Variants in CELF3 observed in about 807,000 individuals in gnomAD.
CELF3 encodes CUGBP Elav-like family member 3.
CELF3 carries 26 observed loss-of-function variants against 59.6 expected under a neutral mutation model. That is an observed-to-expected ratio of 0.44 (90% CI 0.32 to 0.61). The LOEUF is 0.61. Among genes scored for constraint, CELF3 ranks in the 20% least tolerant of loss-of-function variants. The pLI, the probability that CELF3 is intolerant of heterozygous loss-of-function variation, is 0.06. For synonymous variants in CELF3, 245 were observed against 250.7 expected (o/e 0.98, Z 0.22); for missense variants, 387 against 627.2 (o/e 0.62, Z 4.09).
intron 12 of CELF3, among the ~76,000 whole-genome samples, 191 bp downstream of exon 12, chr1:151,704,840 A>AGAGT (rs1233959716): frequency 6.6e-6 from 1 of 152,040 alleles, no homozygotes; most frequent in African/African-American, 2.4e-5. Context: ...AGAGAGAGAG[A>AGAGT]GAGTGACTCA....
chr1:151,705,120 G>A lies in CELF3; in HGVS notation c.1319C>T (p.Ala440Val). The A allele has an allele frequency of 6.2e-7, 1 of 1,613,998 alleles. No individual in the cohort carries two copies. The highest frequency in any genetic ancestry group is 8.5e-7 in the Non-Finnish European group (1 of 1,179,862). ...CATGCCGATCTGGAAGCCATTCATG[G>A]CCTGGATGGCAGCCTGGGCACTGGC... ...NPASAQAAIQ[A>V]MNGFQIGMKR... The change falls in exon 12 of 13, where the codon GCC (alanine) becomes GTC (valine). Residue 440 changes from alanine to valine, a missense_variant. By Grantham distance (64) the Ala-to-Val change is moderately conservative. This residue lies in a region of CELF3 where 48 missense variants were observed against 118.8 expected (regional missense o/e 0.40). Coordinates refer to ENST00000290583, the MANE Select transcript of CELF3 (RefSeq NM_007185.7). This position sits in a 1 kb window ranked among gnomAD's most constrained non-coding sequence, Gnocchi z 5.1.
Position 151,701,474 on chromosome 1 carries a change from C to T in CELF3, c.*1985G>A, listed in dbSNP as rs953015580. 6.6e-6 allele frequency among the ~76,000 whole-genome samples: 1 copy of T among 152,100 alleles called. No individual in the cohort carries two copies. The highest frequency in any genetic ancestry group is 1.5e-5 in the Non-Finnish European group (1 of 68,020). Reference sequence around the variant, plus strand: ...TTGCTACTTCTTGGGATCTTTGCCTCAGGTCAAAGAACAGGTAAGAAGAGA... The same window carrying T: ...TTGCTACTTCTTGGGATCTTTGCCTTAGGTCAAAGAACAGGTAAGAAGAGA... On this transcript the variant is annotated 3_prime_UTR_variant, in exon 13 of 13. Coordinates refer to ENST00000290583, the MANE Select transcript of CELF3 (RefSeq NM_007185.7).
rs978438331 is a variant in CELF3 at position 151,715,952 on chromosome 1, C to T, written c.69G>A (p.Leu23=). 3 of 1,614,210 alleles carry T rather than the reference C, an allele frequency of 1.9e-6. No homozygotes were observed. The highest frequency in any genetic ancestry group is 2.5e-6 in the Non-Finnish European group (3 of 1,180,028). ...GACCAAACTGTTCGAAGATGGGCTT[C>T]AGGTCCTTCTCCTCCAGATGCCTCG... ...QIPRHLEEKD[L]KPIFEQFGRI... The change falls in exon 1 of 13, where the codon CTG becomes CTA. Residue 23 remains leucine (L), a synonymous_variant. Transcript: ENST00000290583.
intron 1 of CELF3, 189 bp downstream of exon 1, chr1:151,715,687 G>A (rs1571940738): frequency 8.5e-6 from 13 of 1,531,928 alleles, no homozygotes; most frequent in Admixed American, 2.0e-5. Context: ...GCCCTCCTTA[G>A]TCCTTCACCG....
Position 151,709,204 on chromosome 1 carries a change from G to A in CELF3, c.406+16C>T. 2 of 1,612,744 alleles carry A rather than the reference G, an allele frequency of 1.2e-6. No homozygotes were observed. The highest frequency in any genetic ancestry group is 1.3e-5 in the African/African-American group (1 of 75,034). ...GGGGAAGGGCCCGGTGGGGAAGGGG[G>A]AAGTGGGTGGACTACCTTTGCTGGT... On this transcript the variant is annotated intron_variant, in intron 4 of 12. Transcript: ENST00000290583. This position sits in a 1 kb window ranked among gnomAD's most constrained non-coding sequence, Gnocchi z 4.9.
chr1:151,707,671 TG>T, intron 6 of CELF3, 23 bp from the exon 7 acceptor site: 1 of 1,598,312 alleles, frequency 6.3e-7, no homozygotes. Context: ...GAGAGGAGAG[TG>T]GGGCAGGCCC....
chr1:151,708,169 G>T, intron 5 of CELF3: 1 of 491,794 alleles, frequency 2.0e-6, no homozygotes, highest in Non-Finnish European at 3.6e-6. Context: ...TGCTTGGAAA[G>T]TGAAAAGCCT....
rs921697654 is a variant in CELF3, at chr1:151,702,168, CAG to C, written c.*1289_*1290del. On this transcript the variant is annotated 3_prime_UTR_variant, in exon 13 of 13. Coordinates refer to ENST00000290583, the MANE Select transcript of CELF3 (RefSeq NM_007185.7). The stretch of plus-strand genomic sequence containing the variant: ...GCTGGATACAGGGGAGAGCCCCCGA[CAG>C]GGGAGATCTCCTTGTGCCGAACTCT... Among the ~76,000 whole-genome samples, 14 of 152,190 alleles carry C rather than the reference CAG, an allele frequency of 9.2e-5. No individual in the cohort carries two copies. The highest frequency in any genetic ancestry group is 2.9e-4 in the African/African-American group (12 of 41,434).
intron 1 of CELF3, chr1:151,715,473 C>T: frequency 1.8e-6 from 1 of 552,278 alleles, no homozygotes; most frequent in Admixed American, 2.4e-5. Context: ...TCCTGACCCC[C>T]ATCCCAATAT....
chr1:151,704,991 G>A, intron 12 of CELF3, 40 bp downstream of exon 12: 1 of 1,577,356 alleles, frequency 6.3e-7, no homozygotes, highest in South Asian at 1.1e-5. Flanking sequence ...GCTGCAGTGT[G>A]TGAAGCTGGG....
In CELF3 at chr1:151,707,594, T is replaced by C. The variant is rs751889667; in HGVS notation, c.685A>G (p.Met229Val). The C allele has an allele frequency of 1.2e-6, 2 of 1,608,978 alleles. No homozygotes were observed. Among genetic ancestry groups the C allele is most frequent in the Non-Finnish European group, 1.7e-6 (2 of 1,178,704 alleles). Residue 229 changes from methionine (M) to valine (V), a missense_variant, in exon 7 of 13, where the codon ATG becomes GTG. By Grantham distance (21) the Met-to-Val change is conservative. Transcript: ENST00000290583. The part of the protein sequence containing the change: ...VAAHSAYLSP[M>V]ATMAAVQMQH... ...ATCTGCACGGCAGCCATGGTGGCCA[T>C]GGGGCTGAGGTAGGCACTGTGAGCC...
chr1:151,714,598 G>A lies in CELF3; in HGVS notation c.224C>T (p.Pro75Leu), dbSNP rs780481965. ...QSALHEQKTL[P>L]GMNRPIQVKP... ...CCTGCAAAGGGCAGGACTCACCCCT[G>A]GAAGCGTCTTCTGTTCGTGCAGGGC... Residue 75 changes from proline (P) to leucine (L), a missense_variant, in exon 2 of 13, where the codon CCA (proline) becomes CTA (leucine). Around this residue, in one of 3 missense-constraint regions of CELF3, gnomAD observed 208 missense variants for 354.8 expected, o/e 0.59. Coordinates refer to ENST00000290583, the MANE Select transcript of CELF3 (RefSeq NM_007185.7). The A allele has an allele frequency of 6.4e-7, 1 of 1,554,726 alleles. No homozygotes were observed. Among genetic ancestry groups the A allele is most frequent in the South Asian group, 1.2e-5 (1 of 84,222 alleles).
At chr1:151,715,119 G>A (rs1163943513) in intron 1 of CELF3, among the ~76,000 whole-genome samples, 1 of 152,088 alleles carries the variant, frequency 6.6e-6, no homozygotes, top group Non-Finnish European at 1.5e-5. Flanking sequence ...GTGGAGGACG[G>A]AGAGTGAAAT....
chr1:151,703,401 G>T lies in CELF3; in HGVS notation c.*58C>A. ...AGGTGTGCGGAGAGGGCCGGGGCCA[G>T]TCGTGGGAAGAGGGTGTGAGGCGCC... On this transcript the variant is annotated 3_prime_UTR_variant, in exon 13 of 13. Coordinates refer to ENST00000290583, the MANE Select transcript of CELF3 (RefSeq NM_007185.7). 2.6e-6 allele frequency: 1 copy of T among 388,992 alleles called. No individual in the cohort carries two copies. Among genetic ancestry groups the T allele is most frequent in the Admixed American group, 2.9e-5 (1 of 34,186 alleles). The allele number at this position is 388,992 out of a possible 1,614,324, so 24.1% of individuals were successfully genotyped here. A position where few individuals can be genotyped will look rare whatever the true frequency, so the allele number is the denominator to read the frequency against.
At chr1:151,711,526 C>A (rs1458101992) in intron 2 of CELF3, among the ~76,000 whole-genome samples, 1 of 151,526 alleles carries the variant, frequency 6.6e-6, no homozygotes, top group East Asian at 2.0e-4. Context: ...AGCCAATCTG[C>A]CCCCAGCTTT....
Position 151,705,243 on chromosome 1 carries a change from C to G in CELF3, c.1271-75G>C, listed in dbSNP as rs1447634599. Reference sequence around the variant, plus strand: ...GTGCTTAGGAGACCTCTGGCACTACCCTGTGTCTCCCAAGTGTCCCAAATG... The same window carrying G: ...GTGCTTAGGAGACCTCTGGCACTACGCTGTGTCTCCCAAGTGTCCCAAATG... On this transcript the variant is annotated intron_variant, in intron 11 of 12. Coordinates refer to ENST00000290583, the MANE Select transcript of CELF3 (RefSeq NM_007185.7). The surrounding 1 kb of genome is among the most constrained non-coding windows in gnomAD (Gnocchi z 5.1). 2 of 1,487,834 alleles carry G rather than the reference C, an allele frequency of 1.3e-6. No homozygotes were observed. Among genetic ancestry groups the G allele is most frequent in the East Asian group, 2.3e-5 (1 of 43,308 alleles). The allele number at this position is 1,487,834 out of a possible 1,614,324, so 92.2% of individuals were successfully genotyped here. A position where few individuals can be genotyped will look rare whatever the true frequency, so the allele number is the denominator to read the frequency against.
rs954810295 is a variant in CELF3 at position 151,700,859 on chromosome 1, A to G, written c.*2600T>C. Reference sequence around the variant, plus strand: ...GGGAGAAAGTTTTAGCATTGGCCCTATGATGATGTAGATATGGATGGGAAG... The same window carrying G: ...GGGAGAAAGTTTTAGCATTGGCCCTGTGATGATGTAGATATGGATGGGAAG... On this transcript the variant is annotated 3_prime_UTR_variant, in exon 13 of 13. Transcript: ENST00000290583. Among the ~76,000 whole-genome samples the G allele has an allele frequency of 6.6e-6, 1 of 152,268 alleles. No individual in the cohort carries two copies. The highest frequency in any genetic ancestry group is 1.5e-5 in the Non-Finnish European group (1 of 68,050).
In CELF3 at chr1:151,703,206, T is replaced by G; in HGVS notation, c.*253A>C. On this transcript the variant is annotated 3_prime_UTR_variant, in exon 13 of 13. Coordinates refer to ENST00000290583, the MANE Select transcript of CELF3 (RefSeq NM_007185.7). Reference sequence around the variant, plus strand: ...ACCCCGGAGCCTTCGAGCCTGTTCCTCGCTCCCTCACAAAGGCCAAAAGGG... The same window carrying G: ...ACCCCGGAGCCTTCGAGCCTGTTCCGCGCTCCCTCACAAAGGCCAAAAGGG... The G allele has an allele frequency of 2.2e-6, 1 of 458,614 alleles. No homozygotes were observed. Among genetic ancestry groups the G allele is most frequent in the South Asian group, 1.5e-5 (1 of 64,614 alleles). The allele number at this position is 458,614 out of a possible 1,614,324, so 28.4% of individuals were successfully genotyped here.
chr1:151,710,930 G>C, intron 2 of CELF3: 1 of 427,756 alleles, frequency 2.3e-6, no homozygotes, highest in Non-Finnish European at 4.8e-6. Flanking sequence ...AAAATATTTT[G>C]CTCTTGAGGA....
Sources: gnomAD v4.1 joint callset for allele counts (sites outside exome capture counted in the v4.1 genomes callset) on GRCh38, gnomAD v4.1.1 for gene constraint, gnomAD v4.1.1 regional missense constraint, Gnocchi (gnomAD v3.1) non-coding constraint, MANE v1.5 for transcripts, NCBI Gene and HGNC (gene_info 2026-07-23, HGNC 2026-07-21) for gene names.